Variants in PCDH15 observed in about 807,000 individuals in gnomAD.
PCDH15 encodes protocadherin-15.
A neutral mutation model predicts 178.5 loss-of-function variants in PCDH15; 129 were observed. That is an observed-to-expected ratio of 0.72 (90% CI 0.63 to 0.84). The LOEUF (loss-of-function observed/expected upper bound fraction) is 0.84, where lower values mean the gene tolerates loss of function less well. Among genes scored for constraint, PCDH15 ranks in the 40% least tolerant of loss-of-function variants. The pLI, the probability that PCDH15 is intolerant of heterozygous loss-of-function variation, is 0.00. For missense variants in PCDH15, 2,230 were observed against 2,099.9 expected, an observed-to-expected ratio of 1.06 and a Z score of -1.21; for synonymous variants, 800 against 732.0, an observed-to-expected ratio of 1.09 and a Z score of -1.50.
At chr10:54,351,331 G>A (rs935666329) in intron 5 of PCDH15, among the ~76,000 whole-genome samples, 1 of 152,020 alleles carries the variant, frequency 6.6e-6, no homozygotes, top group Admixed American at 6.6e-5. Flanking sequence ...GCATTGAAAT[G>A]TATGCAAAAA....
intron 25 of PCDH15, among the ~76,000 whole-genome samples, chr10:53,937,319 G>C (rs2085665528): frequency 6.6e-6 from 1 of 152,154 alleles, no homozygotes; most frequent in Non-Finnish European, 1.5e-5. Flanking sequence ...TTCAAGGAAA[G>C]AGTGCAGGTA....
At chr10:53,943,475 C>CA (rs1190899982) in intron 23 of PCDH15, among the ~76,000 whole-genome samples, 2 of 148,982 alleles carry the variant, frequency 1.3e-5, no homozygotes, top group South Asian at 2.2e-4. Flanking sequence ...GTTTAAATCT[C>CA]AAAAAAACAA....
intron 3 of PCDH15, among the ~76,000 whole-genome samples, chr10:54,895,494 T>A (rs1386602938): frequency 6.6e-6 from 1 of 152,196 alleles, no homozygotes; most frequent in Non-Finnish European, 1.5e-5. Context: ...ACTGTATTTT[T>A]ACACTTTCTG....
At chr10:54,880,539 T>C (rs544268450) in intron 3 of PCDH15, among the ~76,000 whole-genome samples, 9 of 151,872 alleles carry the variant, frequency 5.9e-5, no homozygotes, top group Non-Finnish European at 1.2e-4. Context: ...AAGTTGGTTC[T>C]AACCAAAGTA....
intron 15 of PCDH15, among the ~76,000 whole-genome samples, chr10:54,101,819 A>G (rs2094817702): frequency 6.6e-6 from 1 of 152,012 alleles, no homozygotes. Context: ...AAAAAAAGAT[A>G]AGAAAATTAG....
At chr10:54,942,628 A>G (rs1204542175) in intron 2 of PCDH15, among the ~76,000 whole-genome samples, 1 of 152,066 alleles carries the variant, frequency 6.6e-6, no homozygotes. Context: ...ACATCTGCAC[A>G]CATTATAATC....
At chr10:54,530,475 C>A (rs2083794225) in intron 2 of PCDH15, among the ~76,000 whole-genome samples, 1 of 152,170 alleles carries the variant, frequency 6.6e-6, no homozygotes, top group African/African-American at 2.4e-5. Context: ...TCAGACCATG[C>A]CTGCATCATT....
At chr10:54,999,678 G>A (rs1227448953) in intron 2 of PCDH15, among the ~76,000 whole-genome samples, 2 of 152,174 alleles carry the variant, frequency 1.3e-5, no homozygotes, top group Non-Finnish European at 2.9e-5. Context: ...AGGGCAGGAC[G>A]CCACAGTACT....
chr10:55,354,322 T>C (rs1460520086), intron 2 of PCDH15, among the ~76,000 whole-genome samples: 2 of 152,212 alleles, frequency 1.3e-5, no homozygotes, highest in East Asian at 3.9e-4. Context: ...AAATGTTTGG[T>C]TTGTGTCACA....
At chr10:55,318,290 CAAACTACAGGACAAAT>C (rs1707910405) in intron 1 of PCDH15, among the ~76,000 whole-genome samples, 2 of 151,904 alleles carry the variant, frequency 1.3e-5, no homozygotes, top group Admixed American at 1.3e-4. Flanking sequence ...TCAATGAGCT[CAAACTACAGGACAAAT>C]AATATCTGAA....
intron 25 of PCDH15, among the ~76,000 whole-genome samples, chr10:53,915,751 G>T (rs374933346): frequency 6.6e-6 from 1 of 152,140 alleles, no homozygotes; most frequent in East Asian, 1.9e-4. Flanking sequence ...GTAGAGACGG[G>T]GTTTCACTGT....
At chr10:54,836,555 ATG>A (rs879518565) in intron 3 of PCDH15, among the ~76,000 whole-genome samples, 5 of 152,256 alleles carry the variant, frequency 3.3e-5, no homozygotes, top group East Asian at 1.9e-4. Flanking sequence ...GTGTGATTTT[ATG>A]TGTGTGTCTC....
At chr10:54,174,913 T>A (rs2047296750) in intron 13 of PCDH15, among the ~76,000 whole-genome samples, 1 of 152,046 alleles carries the variant, frequency 6.6e-6, no homozygotes, top group East Asian at 1.9e-4. Context: ...GTCCTAAGCA[T>A]GAGTGAATAA....
intron 2 of PCDH15, among the ~76,000 whole-genome samples, chr10:55,588,058 T>C (rs1252913589): frequency 6.6e-6 from 1 of 152,182 alleles, no homozygotes; most frequent in African/African-American, 2.4e-5. Context: ...GCTGACCTTT[T>C]CTAATGGACA....
chr10:54,388,369 A>C (rs541527119), intron 3 of PCDH15, among the ~76,000 whole-genome samples: 76 of 152,296 alleles, frequency 5.0e-4, no homozygotes, highest in Admixed American at 1.0e-3. Context: ...GAAAGCCAAA[A>C]TTATTCACGA....
chr10:55,175,695 GAAAAGAA>G (rs1839466502), intron 1 of PCDH15, among the ~76,000 whole-genome samples: 1 of 147,726 alleles, frequency 6.8e-6, no homozygotes, highest in South Asian at 2.2e-4. Context: ...GAAAAAAAAA[GAAAAGAA>G]AAAAGAAAAA....
At chr10:55,547,897 CTG>C (rs377033615) in intron 2 of PCDH15, among the ~76,000 whole-genome samples, 2 of 102,054 alleles carry the variant, frequency 2.0e-5, no homozygotes, top group South Asian at 3.4e-4. Flanking sequence ...GTGTGTGTGT[CTG>C]TGTGTGTGTG....
chr10:54,398,571 A>C (rs1951535809), intron 3 of PCDH15, among the ~76,000 whole-genome samples: 1 of 152,094 alleles, frequency 6.6e-6, no homozygotes, highest in Non-Finnish European at 1.5e-5. Flanking sequence ...ATGTGATCTT[A>C]CCTTCAATTT....
At chr10:54,139,789 G>GAA (rs151225663) in intron 14 of PCDH15, among the ~76,000 whole-genome samples, 2,343 of 152,136 alleles carry the variant, frequency 0.015, 74 homozygotes, top group African/African-American at 0.054. Context: ...ATAAGTAGAA[G>GAA]AAAGAGATGT....
Sources: allele counts gnomAD v4.1 joint callset (sites outside exome capture counted in the v4.1 genomes callset), GRCh38; gene constraint gnomAD v4.1.1; transcripts MANE v1.5; gene names NCBI Gene and HGNC (gene_info 2026-07-23, HGNC 2026-07-21).